The following ABCB4 variants were observed in gnomAD, a reference collection of about 807,000 sequenced individuals.
The protein encoded by ABCB4 is ATP binding cassette subfamily B member 4.
Under a neutral mutation model 145.7 loss-of-function variants are expected in ABCB4, and 76 were observed. The observed-to-expected ratio is 0.52, with a 90% CI of 0.43 to 0.63. The LOEUF is 0.63. Among genes scored for constraint, ABCB4 ranks in the 30% least tolerant of loss-of-function variants. The probability of loss-of-function intolerance (pLI) is 0.00; values close to 1 mark genes in which losing one functional copy is unlikely to be tolerated. For synonymous variants in ABCB4, 517 were observed against 566.8 expected, an observed-to-expected ratio of 0.91 and a Z score of 1.25; for missense variants, 1,234 against 1,553.1, an observed-to-expected ratio of 0.79 and a Z score of 3.45.
At chr7:87,451,908 T>C in intron 6 of ABCB4, 114 bp from the exon 7 acceptor site, 2 of 948,866 alleles carry the variant, frequency 2.1e-6, no homozygotes, top group Non-Finnish European at 3.4e-6. Flanking sequence ...TGCAAGCCTC[T>C]TTCAGAGTCT....
chr7:87,415,616 C>T (rs1808916287), intron 21 of ABCB4, among the ~76,000 whole-genome samples: 2 of 152,136 alleles, frequency 1.3e-5, no homozygotes, highest in South Asian at 4.1e-4. Flanking sequence ...CTGGAAGGAA[C>T]TTGGGGCAGT....
At chr7:87,385,189 T>A in the ABCB4 span, among the ~76,000 whole-genome samples, 4 of 152,226 alleles carry the variant, frequency 2.6e-5, no homozygotes, top group African/African-American at 9.6e-5. Context: ...CTTTTGTGGT[T>A]CCATATGAAT....
chr7:87,450,559 C>T (rs1343306599), intron 7 of ABCB4, among the ~76,000 whole-genome samples: 1 of 150,726 alleles, frequency 6.6e-6, no homozygotes, highest in Non-Finnish European at 1.5e-5. Context: ...TAACCTCTGC[C>T]TCCCAGTTTC....
chr7:87,443,373 C>A lies in ABCB4; in HGVS notation c.1302G>T (p.Gly434=), dbSNP rs754340685. Residue 434 remains glycine (G), a synonymous_variant, in exon 12 of 28, where the codon GGG becomes GGT. Coordinates refer to ENST00000649586, the MANE Select transcript of ABCB4 (RefSeq NM_000443.4). ...TVALVGSSGC[G]KSTTVQLIQR... Reference sequence around the variant, plus strand: ...GTATCAGCTGGACCGTTGTGCTCTTCCCACAGCCACTACTTCCAACCAGGG... The same window carrying A: ...GTATCAGCTGGACCGTTGTGCTCTTACCACAGCCACTACTTCCAACCAGGG... 6.2e-7 allele frequency: 1 copy of A among 1,614,100 alleles called. No homozygotes were observed. The highest frequency in any genetic ancestry group is 1.3e-5 in the African/African-American group (1 of 75,020).
chr7:87,367,288 A>G, the ABCB4 span, among the ~76,000 whole-genome samples: 743 of 152,304 alleles, frequency 4.9e-3, 4 homozygotes, highest in African/African-American at 0.017. Context: ...TCTTCCCTTG[A>G]TGGCTTTGAA....
At chr7:87,435,929 T>C (rs1046128578) in intron 14 of ABCB4, among the ~76,000 whole-genome samples, 1 of 152,122 alleles carries the variant, frequency 6.6e-6, no homozygotes, top group African/African-American at 2.4e-5. Flanking sequence ...AAATTGCTAT[T>C]AGAGGATAGA....
intron 26 of ABCB4, among the ~76,000 whole-genome samples, chr7:87,405,404 A>G (rs1425575851): frequency 6.7e-6 from 1 of 149,862 alleles, no homozygotes; most frequent in Non-Finnish European, 1.5e-5. Context: ...AGGGATCTTT[A>G]TGGAGATGAG....
chr7:87,417,575 C>G (rs762655624), intron 20 of ABCB4, 60 bp from the exon 21 acceptor site: 24 of 1,403,388 alleles, frequency 1.7e-5, no homozygotes, highest in Non-Finnish European at 2.1e-5. Flanking sequence ...TGCGCTCCAG[C>G]CTTAGCCTCT....
In ABCB4 at chr7:87,440,426, TTAAG is replaced by T. The variant is rs773072263; in HGVS notation, c.1357-28_1357-25del. The T allele has an allele frequency of 1.3e-5, 20 of 1,599,916 alleles. 2 individuals are homozygous for T. The South Asian group carries it at 1.3e-4, about 11-fold the overall frequency. ...ATCTGAAAGAAAGAAATATTTCCTATTAAGTATTTAACCATTTAATAGCTGAAGT... is the reference window on the plus strand; with the variant it reads ...ATCTGAAAGAAAGAAATATTTCCTATTATTTAACCATTTAATAGCTGAAGT... On this transcript the variant is annotated intron_variant, in intron 12 of 27. Transcript: ENST00000649586.
intron 8 of ABCB4, among the ~76,000 whole-genome samples, chr7:87,449,357 G>T (rs1210670489): frequency 6.6e-6 from 1 of 151,874 alleles, no homozygotes; most frequent in Non-Finnish European, 1.5e-5. Context: ...AAAATATTTT[G>T]ATAAGTATTT....
In ABCB4 at chr7:87,422,188, T is replaced by A. The variant is rs768734309; in HGVS notation, c.2249A>T (p.Lys750Met). 3 of 1,613,824 alleles carry A rather than the reference T, an allele frequency of 1.9e-6. No individual in the cohort carries two copies. Among genetic ancestry groups the A allele is most frequent in the Non-Finnish European group, 2.5e-6 (3 of 1,179,782 alleles). The change falls in exon 18 of 28, where the codon AAG (lysine) becomes ATG (methionine). Residue 750 changes from lysine (K) to methionine (M), a missense_variant. Lys to Met is a moderately conservative substitution (Grantham distance 95, BLOSUM62 -1). This residue lies in a region of ABCB4 where 321 missense variants were observed against 332.6 expected (regional missense o/e 0.97). Transcript: ENST00000649586. ...GAAAATCAAAGAGAATATGTTGCACTTCTGCTGCTTCACTGCATCATCGCC... is the reference window on the plus strand; with the variant it reads ...GAAAATCAAAGAGAATATGTTGCACATCTGCTGCTTCACTGCATCATCGCC... ...GPGDDAVKQQ[K>M]CNIFSLIFLF...
At chr7:87,383,768 A>T in the ABCB4 span, among the ~76,000 whole-genome samples, 1 of 152,082 alleles carries the variant, frequency 6.6e-6, no homozygotes, top group Non-Finnish European at 1.5e-5. Context: ...AAGTGCTGGG[A>T]TTAGAGGTGT....
At chr7:87,390,244 A>G in the ABCB4 span, among the ~76,000 whole-genome samples, 2 of 152,172 alleles carry the variant, frequency 1.3e-5, no homozygotes, top group African/African-American at 4.8e-5. Context: ...TTTCTACTCC[A>G]TCTTTTAAGA....
chr7:87,468,707 C>T (rs907798628), intron 3 of ABCB4, among the ~76,000 whole-genome samples: 7 of 151,860 alleles, frequency 4.6e-5, no homozygotes, highest in Non-Finnish European at 7.4e-5. Context: ...CTGAGGCGGG[C>T]GGATCACAAG....
chr7:87,431,065 G>A (rs932959761), intron 15 of ABCB4, among the ~76,000 whole-genome samples: 1 of 152,080 alleles, frequency 6.6e-6, no homozygotes, highest in Non-Finnish European at 1.5e-5. Flanking sequence ...ACTCAGAGCC[G>A]GGGCTCCTCG....
At chr7:87,367,565 C>A in the ABCB4 span, among the ~76,000 whole-genome samples, 1 of 152,124 alleles carries the variant, frequency 6.6e-6, no homozygotes, top group East Asian at 1.9e-4. Context: ...CCATTCTCTA[C>A]CCCCTTGCAA....
chr7:87,416,451 A>G (rs888886410), intron 21 of ABCB4, among the ~76,000 whole-genome samples: 3 of 152,322 alleles, frequency 2.0e-5, no homozygotes, highest in South Asian at 4.1e-4. Context: ...CTATATCACA[A>G]TTTATATTTA....
intron 18 of ABCB4, among the ~76,000 whole-genome samples, chr7:87,420,361 G>A (rs1809331162): frequency 6.6e-6 from 1 of 152,118 alleles, no homozygotes; most frequent in African/African-American, 2.4e-5. Flanking sequence ...CCCATGGCAG[G>A]ATCCAGTCAG....
intron 18 of ABCB4, among the ~76,000 whole-genome samples, 193 bp downstream of exon 18, chr7:87,421,928 G>A (rs1046415364): frequency 1.3e-5 from 2 of 152,182 alleles, no homozygotes; most frequent in African/African-American, 2.4e-5. Flanking sequence ...GGGCAAACTT[G>A]TAATGTAATA....
Sources: allele counts gnomAD v4.1 joint callset (sites outside exome capture counted in the v4.1 genomes callset), GRCh38; gene constraint gnomAD v4.1.1; regional missense constraint gnomAD v4.1.1; transcripts MANE v1.5; gene names NCBI Gene and HGNC (gene_info 2026-07-23, HGNC 2026-07-21).